APOA2: variants seen among roughly 807,000 people sequenced by gnomAD.
APOA2 encodes the protein apolipoprotein A-II.
Under a neutral mutation model 7.4 loss-of-function variants are expected in APOA2, and 3 were observed. That is an observed-to-expected ratio of 0.41 (90% confidence interval 0.18 to 1.05). The LOEUF (loss-of-function observed/expected upper bound fraction) is 1.05, where lower values mean the gene tolerates loss of function less well. Among genes scored for constraint, APOA2 ranks in the 50% least tolerant of loss-of-function variants. APOA2 has a pLI of 0.33. For missense variants in APOA2, 90 were observed against 116.3 expected, an observed-to-expected ratio of 0.77 and a Z score of 1.04; for synonymous variants, 42 against 47.8, an observed-to-expected ratio of 0.88 and a Z score of 0.50.
chr1:161,223,237 T>C (rs1395893800), intron 2 of APOA2, 113 bp downstream of exon 2: 2 of 1,561,490 alleles, frequency 1.3e-6, no homozygotes, highest in Non-Finnish European at 1.7e-6. Context: ...GAGGGAATGA[T>C]CTTCCTTTTG....
In APOA2 at chr1:161,223,103, G is replaced by C. The variant is rs12144333; in HGVS notation, c.53-53C>G. On this transcript the variant is annotated intron_variant, in intron 2 of 3. Coordinates refer to ENST00000367990, the MANE Select transcript of APOA2 (RefSeq NM_001643.2). ...CACACACACACACACACTCTTTTCA[G>C]CTGGGTCCACAGCAGTGAATCCTGG... 4 of 1,604,894 alleles carry C rather than the reference G, an allele frequency of 2.5e-6. No homozygotes were observed. In the African/African-American group the frequency reaches 4.0e-5, roughly 16 times the overall value.
At chr1:161,222,601 G>A in intron 3 of APOA2, 79 bp from the exon 4 acceptor site, 1 of 1,300,658 alleles carries the variant, frequency 7.7e-7, no homozygotes, top group Non-Finnish European at 1.1e-6. Flanking sequence ...TGGGAGGTCA[G>A]AGCAGACTGA....
Position 161,222,925 on chromosome 1 carries a change from C to G in APOA2, c.178G>C (p.Glu60Gln). 3.1e-6 allele frequency: 5 copies of G among 1,614,204 alleles called. No homozygotes were observed. The highest frequency in any genetic ancestry group is 1.1e-5 in the South Asian group (1 of 91,086). ...EKVKSPELQAEAKSYFEKSKE... is the reference protein window; with the variant it reads ...EKVKSPELQAQAKSYFEKSKE... ...CCTTGCCCTGAGACTTACTTGGCCTCGGCCTGAAGCTCTGGGCTCTTGACC... is the reference window on the plus strand; with the variant it reads ...CCTTGCCCTGAGACTTACTTGGCCTGGGCCTGAAGCTCTGGGCTCTTGACC... The change falls in exon 3 of 4, where the codon GAG becomes CAG. Residue 60 changes from glutamate to glutamine, a missense_variant. Transcript: ENST00000367990.
rs115386090 is a variant in APOA2 at position 161,223,127 on chromosome 1, G to A, written c.53-77C>T. ...AGCTGGGTCCACAGCAGTGAATCCT[G>A]GCCTCCTGCCATACCTCTGCCAGTA... On this transcript the variant is annotated intron_variant, in intron 2 of 3. Transcript: ENST00000367990. 915 of 1,598,964 alleles carry A rather than the reference G, an allele frequency of 5.7e-4. 4 individuals are homozygous for A. The African/African-American group carries it at 0.011, about 19-fold the overall frequency.
At chr1:161,223,314 T>A in intron 2 of APOA2, 36 bp downstream of exon 2, 1 of 1,612,468 alleles carries the variant, frequency 6.2e-7, no homozygotes, top group Non-Finnish European at 8.5e-7. Context: ...CACCAGCACA[T>A]TCTCCCTTTT....
rs17244502 is a variant in APOA2, at chr1:161,223,055, CCACACACACACACACACACACA to C, written c.53-27_53-6del. 18 of 1,588,304 alleles carry C rather than the reference CCACACACACACACACACACACA, an allele frequency of 1.1e-5. No homozygotes were observed. The highest frequency in any genetic ancestry group is 1.5e-5 in the Non-Finnish European group (17 of 1,166,678). ...CCTGTCTCCGAACCAAAGCTCCTGC[CCACACACACACACACACACACA>C]CACACACACACACACACTCTTTTCA... On this transcript the variant is annotated splice_region_variant and splice_polypyrimidine_tract_variant and intron_variant, in intron 2 of 3. Transcript: ENST00000367990.
At chr1:161,222,647 A>T (rs1283086460) in intron 3 of APOA2, 125 bp from the exon 4 acceptor site, 4 of 972,482 alleles carry the variant, frequency 4.1e-6, no homozygotes, top group Non-Finnish European at 6.6e-6. Context: ...GGTCCATCGC[A>T]TGGCAAAGCC....
intron 3 of APOA2, 31 bp downstream of exon 3, chr1:161,222,887 C>G: frequency 1.2e-6 from 2 of 1,614,084 alleles, no homozygotes; most frequent in African/African-American, 2.7e-5. Flanking sequence ...CACAGTTCCA[C>G]AGCCCCTGAA....
rs756325696 is a variant in APOA2 at position 161,222,447 on chromosome 1, C to T, written c.261G>A (p.Leu87=). ...GTGTTCCAAGTTCCACGAAATAGCTCAAGAAGTTAACCAGTTCCGTTCCAG... is the reference window on the plus strand; with the variant it reads ...GTGTTCCAAGTTCCACGAAATAGCTTAAGAAGTTAACCAGTTCCGTTCCAG... The part of the protein sequence containing the change: ...KKAGTELVNF[L]SYFVELGTQP... The change falls in exon 4 of 4, where the codon TTG becomes TTA. Residue 87 remains leucine (L), a synonymous_variant. Coordinates refer to ENST00000367990, the MANE Select transcript of APOA2 (RefSeq NM_001643.2). 6.2e-7 allele frequency: 1 copy of T among 1,614,176 alleles called. No homozygotes were observed. The highest frequency in any genetic ancestry group is 1.1e-5 in the South Asian group (1 of 91,078).
Position 161,222,921 on chromosome 1 carries a change from G to A in APOA2, c.182C>T (p.Ala61Val). The change falls in exon 3 of 4, where the codon GCC (alanine) becomes GTC (valine). Residue 61 changes from alanine (A) to valine (V), a missense_variant. Coordinates refer to ENST00000367990, the MANE Select transcript of APOA2 (RefSeq NM_001643.2). The stretch of plus-strand genomic sequence containing the variant: ...AACCCCTTGCCCTGAGACTTACTTG[G>A]CCTCGGCCTGAAGCTCTGGGCTCTT... ...KVKSPELQAEAKSYFEKSKEQ... is the reference protein window; with the variant it reads ...KVKSPELQAEVKSYFEKSKEQ... The A allele has an allele frequency of 6.2e-7, 1 of 1,614,070 alleles. No homozygotes were observed. Among genetic ancestry groups the A allele is most frequent in the Non-Finnish European group, 8.5e-7 (1 of 1,180,020 alleles).
intron 2 of APOA2, 146 bp downstream of exon 2, chr1:161,223,204 G>A: frequency 6.4e-7 from 1 of 1,556,632 alleles, no homozygotes; most frequent in Non-Finnish European, 8.7e-7. Flanking sequence ...CCAGATCTTT[G>A]GATGGGCTTT....
At position 161,222,928 on chromosome 1, in the gene APOA2, C is replaced by T. The variant is rs760778588; in HGVS notation, c.175G>A (p.Ala59Thr). The change falls in exon 3 of 4, where the codon GCC (alanine) becomes ACC (threonine). Residue 59 changes from alanine to threonine, a missense_variant. Transcript: ENST00000367990. Reference protein sequence around the residue: ...MEKVKSPELQAEAKSYFEKSK... With the variant: ...MEKVKSPELQTEAKSYFEKSK... ...TGCCCTGAGACTTACTTGGCCTCGG[C>T]CTGAAGCTCTGGGCTCTTGACCTTC... 6.2e-7 allele frequency: 1 copy of T among 1,614,196 alleles called. No individual in the cohort carries two copies. The highest frequency in any genetic ancestry group is 1.6e-4 in the Middle Eastern group (1 of 6,062).
chr1:161,223,546 G>A (rs1404666650), intron 1 of APOA2, 49 bp downstream of exon 1: 5 of 782,272 alleles, frequency 6.4e-6, no homozygotes, highest in African/African-American at 3.4e-5. Flanking sequence ...CACAACTGAA[G>A]CCCAGGCCTC....
rs1346496201 is a variant in APOA2, at chr1:161,223,010, C to T, written c.93G>A (p.Glu31=). The change falls in exon 3 of 4, where the codon GAG becomes GAA. Residue 31 remains glutamate, a synonymous_variant. Transcript: ENST00000367990. Reference sequence around the variant, plus strand: ...TCTGGAAGTACTGAGAAACCAGGCTCTCCACACATGGCTCCTTTGCCTGTC... The same window carrying T: ...TCTGGAAGTACTGAGAAACCAGGCTTTCCACACATGGCTCCTTTGCCTGTC... ...VRRQAKEPCV[E]SLVSQYFQTV... is the part of the protein sequence containing the mutation. 3.1e-6 allele frequency: 5 copies of T among 1,613,868 alleles called. No individual in the cohort carries two copies. The highest frequency in any genetic ancestry group is 1.3e-5 in the African/African-American group (1 of 74,822).
At position 161,222,431 on chromosome 1, in the gene APOA2, G is replaced by T. The variant is rs1215900467; in HGVS notation, c.277C>A (p.Leu93Ile). Residue 93 changes from leucine (L) to isoleucine (I), a missense_variant, in exon 4 of 4, where the codon CTT (leucine) becomes ATT (isoleucine). Physicochemically the swap from Leu to Ile is conservative, Grantham distance 5 (BLOSUM62 2). Transcript: ENST00000367990. ...CACTGGGTGGCAGGCTGTGTTCCAA[G>T]TTCCACGAAATAGCTCAAGAAGTTA... is the stretch of plus-strand genomic sequence containing the variant. ...LVNFLSYFVELGTQPATQ is the reference protein window; with the variant it reads ...LVNFLSYFVEIGTQPATQ The T allele has an allele frequency of 1.2e-6, 2 of 1,614,208 alleles. No individual in the cohort carries two copies. The highest frequency in any genetic ancestry group is 1.7e-6 in the Non-Finnish European group (2 of 1,180,024).
Position 161,222,522 on chromosome 1 carries a change from C to T in APOA2, c.186G>A (p.Lys62=), listed in dbSNP as rs371681039. The stretch of plus-strand genomic sequence containing the variant: ...GCTCCTTTGACTTTTCAAAGTAAGA[C>T]CTGGATAGGTGAGGGGATTAGAGTT... ...VKSPELQAEA[K]SYFEKSKEQL... The change falls in exon 4 of 4, where the codon AAG becomes AAA. Residue 62 remains lysine (K), a splice_region_variant and synonymous_variant. Transcript: ENST00000367990. 1.9e-6 allele frequency: 3 copies of T among 1,613,136 alleles called. No homozygotes were observed. The highest frequency in any genetic ancestry group is 1.1e-5 in the South Asian group (1 of 91,060).
In APOA2 at chr1:161,222,928, C is replaced by A; in HGVS notation, c.175G>T (p.Ala59Ser). The change falls in exon 3 of 4, where the codon GCC (alanine) becomes TCC (serine). Residue 59 changes from alanine (A) to serine (S), a missense_variant. Physicochemically the swap from Ala to Ser is moderately conservative, Grantham distance 99. Coordinates refer to ENST00000367990, the MANE Select transcript of APOA2 (RefSeq NM_001643.2). ...TGCCCTGAGACTTACTTGGCCTCGGCCTGAAGCTCTGGGCTCTTGACCTTC... is the reference window on the plus strand; with the variant it reads ...TGCCCTGAGACTTACTTGGCCTCGGACTGAAGCTCTGGGCTCTTGACCTTC... Reference protein sequence around the residue: ...MEKVKSPELQAEAKSYFEKSK... With the variant: ...MEKVKSPELQSEAKSYFEKSK... 1 of 1,614,196 alleles carries A rather than the reference C, an allele frequency of 6.2e-7. No homozygotes were observed. Among genetic ancestry groups the A allele is most frequent in the Non-Finnish European group, 8.5e-7 (1 of 1,180,028 alleles).
intron 2 of APOA2, 78 bp from the exon 3 acceptor site, chr1:161,223,128 G>T (rs752265368): frequency 6.3e-7 from 1 of 1,595,676 alleles, no homozygotes; most frequent in Non-Finnish European, 8.5e-7. Context: ...GTGAATCCTG[G>T]CCTCCTGCCA....
At position 161,222,451 on chromosome 1, in the gene APOA2, A is replaced by T. The variant is rs777908160; in HGVS notation, c.257T>A (p.Phe86Tyr). Residue 86 changes from phenylalanine (F) to tyrosine (Y), a missense_variant, in exon 4 of 4, where the codon TTC becomes TAC. Coordinates refer to ENST00000367990, the MANE Select transcript of APOA2 (RefSeq NM_001643.2). ...TCCAAGTTCCACGAAATAGCTCAAG[A>T]AGTTAACCAGTTCCGTTCCAGCCTT... is the stretch of plus-strand genomic sequence containing the variant. Reference protein sequence around the residue: ...IKKAGTELVNFLSYFVELGTQ... With the variant: ...IKKAGTELVNYLSYFVELGTQ... The T allele has an allele frequency of 1.2e-6, 2 of 1,614,074 alleles. No homozygotes were observed. The highest frequency in any genetic ancestry group is 8.5e-7 in the Non-Finnish European group (1 of 1,180,028).
Sources: gnomAD v4.1 joint callset for allele counts on GRCh38, gnomAD v4.1.1 for gene constraint, MANE v1.5 for transcripts, NCBI Gene and HGNC (gene_info 2026-07-23, HGNC 2026-07-21) for gene names.